Variants in TUSC3 observed in about 807,000 individuals in gnomAD.
The protein encoded by TUSC3 is dolichyl-diphosphooligosaccharide--protein glycosyltransferase subunit TUSC3.
In TUSC3, 45 loss-of-function variants were observed where a neutral mutation model predicts 44.8. The observed-to-expected ratio is 1.00, with a 90% CI of 0.79 to 1.29. The LOEUF is 1.29. TUSC3 is among the 50% of genes most tolerant of loss of function. TUSC3 has a pLI of 0.00. For synonymous variants in TUSC3, 212 were observed against 152.9 expected, an observed-to-expected ratio of 1.39 and a Z score of -2.85; for missense variants, 519 against 437.9, an observed-to-expected ratio of 1.19 and a Z score of -1.65.
chr8:15,670,899 T>C (rs1032587272), intron 5 of TUSC3, among the ~76,000 whole-genome samples: 1 of 151,876 alleles, frequency 6.6e-6, no homozygotes, highest in Non-Finnish European at 1.5e-5. Context: ...TTCACAAAAA[T>C]GTCCAAATTT....
At chr8:15,451,230 G>T (rs1198877864) in intron 1 of TUSC3, among the ~76,000 whole-genome samples, 2 of 152,056 alleles carry the variant, frequency 1.3e-5, no homozygotes, top group African/African-American at 4.8e-5. Flanking sequence ...TCTATATTTG[G>T]TCTTTCTCTT....
At chr8:15,734,817 A>G (rs1025161536) in intron 7 of TUSC3, among the ~76,000 whole-genome samples, 6 of 152,324 alleles carry the variant, frequency 3.9e-5, no homozygotes, top group South Asian at 2.1e-4. Flanking sequence ...CAGGTACACA[A>G]TCAAAATGAC....
the TUSC3 span, among the ~76,000 whole-genome samples, chr8:15,843,113 C>G: frequency 6.6e-6 from 1 of 152,138 alleles, no homozygotes; most frequent in Admixed American, 6.6e-5. Flanking sequence ...ACAGAATTTA[C>G]TCTTATGATC....
chr8:15,699,637 A>G (rs1809312612), intron 6 of TUSC3, among the ~76,000 whole-genome samples: 1 of 152,232 alleles, frequency 6.6e-6, no homozygotes, highest in Non-Finnish European at 1.5e-5. Flanking sequence ...ATAGCACATG[A>G]CATTTTCCCT....
upstream of TUSC3, among the ~76,000 whole-genome samples, chr8:15,538,697 A>G (rs983264299): frequency 3.3e-5 from 5 of 152,186 alleles, no homozygotes; most frequent in African/African-American, 1.2e-4. Flanking sequence ...GTTTCTTTGA[A>G]TTATAAAGGC....
At chr8:15,735,361 A>G (rs1015508026) in intron 7 of TUSC3, among the ~76,000 whole-genome samples, 4 of 152,292 alleles carry the variant, frequency 2.6e-5, no homozygotes, top group South Asian at 2.1e-4. Context: ...AAGTTCAGCT[A>G]TGTGTTGTAG....
intron 1 of TUSC3, among the ~76,000 whole-genome samples, chr8:15,575,828 A>T (rs1031056309): frequency 6.6e-6 from 1 of 151,772 alleles, no homozygotes; most frequent in African/African-American, 2.4e-5. Flanking sequence ...AGTTTATATC[A>T]TTTTTTTGTG....
At chr8:15,684,554 A>C (rs1299938343) in intron 6 of TUSC3, among the ~76,000 whole-genome samples, 1 of 152,076 alleles carries the variant, frequency 6.6e-6, no homozygotes, top group Non-Finnish European at 1.5e-5. Flanking sequence ...TAGGCATTTG[A>C]TGCCTTGGGA....
At chr8:15,443,557 C>G (rs535999662) in intron 1 of TUSC3, among the ~76,000 whole-genome samples, 1 of 152,218 alleles carries the variant, frequency 6.6e-6, no homozygotes, top group South Asian at 2.1e-4. Flanking sequence ...TGCTTCTAAC[C>G]TTTAAGCTGT....
intron 2 of TUSC3, among the ~76,000 whole-genome samples, chr8:15,486,281 A>G (rs1294344400): frequency 6.6e-6 from 1 of 152,198 alleles, no homozygotes; most frequent in Non-Finnish European, 1.5e-5. Context: ...ATATAGAGTA[A>G]TCATTAAGAC....
At chr8:15,692,388 T>G (rs1244257335) in intron 6 of TUSC3, among the ~76,000 whole-genome samples, 10 of 144,824 alleles carry the variant, frequency 6.9e-5, no homozygotes, top group South Asian at 2.5e-4. Context: ...TTTTTTTTTT[T>G]TTTTTTTTTT....
intron 8 of TUSC3, among the ~76,000 whole-genome samples, chr8:15,746,812 GTAAA>G (rs1456265960): frequency 6.6e-6 from 1 of 152,050 alleles, no homozygotes; most frequent in African/African-American, 2.4e-5. Flanking sequence ...GAAGTATAGA[GTAAA>G]TAATTTTGTA....
intron 1 of TUSC3, among the ~76,000 whole-genome samples, chr8:15,420,237 C>A (rs1029833741): frequency 6.6e-6 from 1 of 152,104 alleles, no homozygotes; most frequent in Non-Finnish European, 1.5e-5. Context: ...TGGTTCATGC[C>A]TGTAATCCCA....
At chr8:15,751,254 A>G (rs352789) in intron 9 of TUSC3, among the ~76,000 whole-genome samples, 7,715 of 152,262 alleles carry the variant, frequency 0.051, 444 homozygotes, top group African/African-American at 0.14. Flanking sequence ...GACAATTAAA[A>G]AAAAACCTAA....
At position 15,444,335 on chromosome 8, in the gene TUSC3, G is replaced by A. The variant is rs1005082636; in HGVS notation, n.91+27030G>A. Among the ~76,000 whole-genome samples the A allele has an allele frequency of 7.9e-5, 12 of 152,142 alleles. No individual in the cohort carries two copies. In the South Asian group the frequency reaches 1.0e-3, roughly 13 times the overall value. On this transcript the variant is annotated intron_variant and non_coding_transcript_variant, in intron 1 of 5. Coordinates refer to the TUSC3 transcript ENST00000503191. ...GTAGGGACTACTGCAATGAGCTTTT[G>A]CAGTAGGGGTTACAGACTGGACTCA... is the stretch of plus-strand genomic sequence containing the variant.
intron 5 of TUSC3, among the ~76,000 whole-genome samples, chr8:15,665,688 A>T (rs542932240): frequency 5.9e-5 from 9 of 151,368 alleles, no homozygotes; most frequent in Admixed American, 5.3e-4. Context: ...AAACAGTGAG[A>T]TTAAATTTGC....
chr8:15,683,762 G>T (rs1412344121), intron 6 of TUSC3, among the ~76,000 whole-genome samples: 5 of 152,066 alleles, frequency 3.3e-5, no homozygotes, highest in Non-Finnish European at 7.4e-5. Context: ...AGGAACTGGT[G>T]CTTCTTTTTC....
At chr8:15,669,970 T>C (rs1342739745) in intron 5 of TUSC3, among the ~76,000 whole-genome samples, 5 of 150,050 alleles carry the variant, frequency 3.3e-5, no homozygotes, top group African/African-American at 1.2e-4. Flanking sequence ...TAGTAAATAA[T>C]GATGATTCAT....
intron 9 of TUSC3, among the ~76,000 whole-genome samples, chr8:15,755,040 T>C (rs1264096292): frequency 2.0e-5 from 3 of 152,132 alleles, no homozygotes; most frequent in African/African-American, 7.2e-5. Context: ...ATTTATCCTA[T>C]AGTCTTAAAT....
Sources: allele counts gnomAD v4.1 joint callset (sites outside exome capture counted in the v4.1 genomes callset), GRCh38; gene constraint gnomAD v4.1.1; transcripts MANE v1.5; gene names NCBI Gene and HGNC (gene_info 2026-07-23, HGNC 2026-07-21).